DIP2C: variants seen among roughly 807,000 people sequenced by gnomAD.
DIP2C encodes the protein DIP2 acetate--CoA ligase C (putative).
DIP2C carries 33 observed loss-of-function variants against 192.4 expected under a neutral mutation model. That is an observed-to-expected ratio of 0.17 (90% CI 0.13 to 0.23). DIP2C has a LOEUF of 0.23. DIP2C is among the 10% of genes least tolerant of loss of function. DIP2C has a pLI of 1.00. For synonymous variants in DIP2C, 979 were observed against 864.1 expected, an observed-to-expected ratio of 1.13 and a Z score of -2.33; for missense variants, 1,537 against 2,110.1, an observed-to-expected ratio of 0.73 and a Z score of 5.32.
chr10:477,180 A>G (rs1043128894), intron 2 of DIP2C, among the ~76,000 whole-genome samples: 1 of 142,304 alleles, frequency 7.0e-6, no homozygotes, highest in Admixed American at 7.0e-5. Flanking sequence ...AGGCTTAGCA[A>G]AGTCAGCAAA....
intron 32 of DIP2C, among the ~76,000 whole-genome samples, chr10:308,331 G>C (rs759937503): frequency 6.6e-6 from 1 of 151,872 alleles, no homozygotes; most frequent in Non-Finnish European, 1.5e-5. Context: ...GAACTGCACC[G>C]CCAGCTCCTG....
At chr10:685,609 T>A (rs1334983143) in intron 1 of DIP2C, among the ~76,000 whole-genome samples, 2 of 152,132 alleles carry the variant, frequency 1.3e-5, no homozygotes, top group East Asian at 3.9e-4. Flanking sequence ...ACAGAGAAAC[T>A]TACTTCCTAA....
chr10:395,308 T>TA (rs1485511165), intron 10 of DIP2C, among the ~76,000 whole-genome samples: 1 of 152,090 alleles, frequency 6.6e-6, no homozygotes, highest in African/African-American at 2.4e-5. Context: ...TGTCTTACCA[T>TA]AAAAAATGAG....
At chr10:629,134 G>T (rs1854363490) in intron 1 of DIP2C, among the ~76,000 whole-genome samples, 1 of 152,240 alleles carries the variant, frequency 6.6e-6, no homozygotes, top group Non-Finnish European at 1.5e-5. Context: ...GGCTGGTGAT[G>T]TGACAGTTGG....
chr10:448,318 C>G (rs1968484420), intron 3 of DIP2C, among the ~76,000 whole-genome samples: 1 of 145,694 alleles, frequency 6.9e-6, no homozygotes, highest in Non-Finnish European at 1.5e-5. Flanking sequence ...CCCACTCACC[C>G]CATTGATATT....
chr10:378,302 G>A (rs1042496115), intron 17 of DIP2C, among the ~76,000 whole-genome samples: 1 of 152,226 alleles, frequency 6.6e-6, no homozygotes, highest in South Asian at 2.1e-4. Context: ...GTGATTTCCT[G>A]CCACCACTTG....
intron 10 of DIP2C, among the ~76,000 whole-genome samples, chr10:394,291 C>T (rs2132979340): frequency 6.6e-6 from 1 of 152,208 alleles, no homozygotes; most frequent in African/African-American, 2.4e-5. Flanking sequence ...ACAGTGGGCG[C>T]TATTCAGCCT....
intron 32 of DIP2C, among the ~76,000 whole-genome samples, chr10:305,169 C>G (rs938393268): frequency 2.6e-5 from 4 of 151,456 alleles, no homozygotes; most frequent in South Asian, 2.1e-4. Flanking sequence ...AACTCATACT[C>G]TCATGCATAT....
intron 22 of DIP2C, among the ~76,000 whole-genome samples, chr10:360,797 T>C (rs192946528): frequency 1.4e-3 from 210 of 152,294 alleles, no homozygotes; most frequent in Admixed American, 4.4e-3. Context: ...ACTGAGTAAA[T>C]ATGAATTCAT....
In DIP2C at chr10:401,797, A is replaced by C. The variant is rs569480936; in HGVS notation, c.1150-2578T>G. ...TCTTCCTTATGGACAAGTTTGGTAC[A>C]TTTTCATCAGCACATGAATCCTATG... On this transcript the variant is annotated intron_variant, in intron 9 of 36. Transcript: ENST00000280886. Among the ~76,000 whole-genome samples the C allele has an allele frequency of 8.5e-4, 124 of 145,060 alleles. 1 individual carries two copies. Among genetic ancestry groups the C allele is most frequent in the African/African-American group, 2.7e-3 (104 of 38,374 alleles).
At chr10:325,049 A>T (rs767350767) in intron 31 of DIP2C, 5 of 477,098 alleles carry the variant, frequency 1.0e-5, no homozygotes, top group Non-Finnish European at 2.1e-5. Context: ...GCGGATCATG[A>T]GGTCAGGAGA....
intron 32 of DIP2C, among the ~76,000 whole-genome samples, chr10:289,713 G>T (rs74846401): frequency 0.017 from 2,642 of 152,198 alleles, 71 homozygotes; most frequent in African/African-American, 0.06. Flanking sequence ...AGTGTCTCCG[G>T]GCCCTGAGGG....
Position 545,166 on chromosome 10 carries a change from C to CCTTTTTTTTTT in DIP2C, c.86-58637_86-58636insAAAAAAAAAAG, listed in dbSNP as rs1554896881. ...TGATCCAACATGACTGGTGTTTTCCCTTTTTTTTTTTTTTTTTTTTTTTGA... is the reference window on the plus strand; with the variant it reads ...TGATCCAACATGACTGGTGTTTTCCCCTTTTTTTTTTTTTTTTTTTTTTTTTTTTTTTTTGA... On this transcript the variant is annotated intron_variant, in intron 1 of 36. Coordinates refer to ENST00000280886, the MANE Select transcript of DIP2C (RefSeq NM_014974.3). Among the ~76,000 whole-genome samples the CCTTTTTTTTTT allele has an allele frequency of 8.4e-3, 723 of 86,396 alleles. 30 individuals are homozygous for CCTTTTTTTTTT. The highest frequency in any genetic ancestry group is 0.02 in the African/African-American group (361 of 17,626). The allele number at this position is 86,396 out of a possible 152,430, so 56.7% of individuals were successfully genotyped here. A position where few individuals can be genotyped will look rare whatever the true frequency, so the allele number is the denominator to read the frequency against.
intron 1 of DIP2C, among the ~76,000 whole-genome samples, chr10:514,858 C>G (rs1259607149): frequency 6.6e-6 from 1 of 152,102 alleles, no homozygotes; most frequent in Non-Finnish European, 1.5e-5. Context: ...GGATTTATTC[C>G]CACTGTGGAA....
chr10:391,352 A>G (rs1197286520), intron 10 of DIP2C, among the ~76,000 whole-genome samples: 1 of 152,276 alleles, frequency 6.6e-6, no homozygotes. Flanking sequence ...CACCTCGGCC[A>G]GAGGAAGGAA....
At chr10:348,361 G>A (rs1958622737) in intron 26 of DIP2C, among the ~76,000 whole-genome samples, 2 of 152,210 alleles carry the variant, frequency 1.3e-5, no homozygotes, top group South Asian at 2.1e-4. Context: ...GAGGAAGCCC[G>A]AGGAATGGTG....
chr10:578,732 G>A (rs540817582), intron 1 of DIP2C, among the ~76,000 whole-genome samples: 118 of 152,138 alleles, frequency 7.8e-4, no homozygotes, highest in Non-Finnish European at 1.6e-3. Context: ...TAGGTACAGT[G>A]TAACATGTGT....
chr10:639,895 G>T (rs1485666301), intron 1 of DIP2C, among the ~76,000 whole-genome samples: 1 of 152,208 alleles, frequency 6.6e-6, no homozygotes, highest in African/African-American at 2.4e-5. Context: ...ATTTCCAGAT[G>T]TCCCTCCCCC....
Position 356,236 on chromosome 10 carries a change from A to G in DIP2C, c.2985+190T>C, listed in dbSNP as rs1416228430. The G allele has an allele frequency of 1.4e-5, 10 of 690,356 alleles. No homozygotes were observed. In the South Asian group the frequency reaches 1.5e-4, roughly 10 times the overall value. 42.8% of individuals were successfully genotyped at this position (690,356 alleles called of 1,614,324 possible). A position where few individuals can be genotyped will look rare whatever the true frequency, so the allele number is the denominator to read the frequency against. ...TATCTGTACACACAAATAGGTGTAAATAACTGCACAAATGGTTACGTTTAA... is the reference window on the plus strand; with the variant it reads ...TATCTGTACACACAAATAGGTGTAAGTAACTGCACAAATGGTTACGTTTAA... On this transcript the variant is annotated intron_variant, in intron 24 of 36. Coordinates refer to ENST00000280886, the MANE Select transcript of DIP2C (RefSeq NM_014974.3).
Sources: allele counts gnomAD v4.1 joint callset (sites outside exome capture counted in the v4.1 genomes callset), GRCh38; gene constraint gnomAD v4.1.1; transcripts MANE v1.5; gene names NCBI Gene and HGNC (gene_info 2026-07-23, HGNC 2026-07-21).